Variants in LSAMP observed in about 807,000 individuals in gnomAD.
The protein encoded by LSAMP is limbic system associated membrane protein.
In LSAMP, 7 loss-of-function variants were observed where a neutral mutation model predicts 38.6. The ratio of observed to expected loss-of-function variants is 0.18; its 90% CI spans 0.10 to 0.34. LSAMP has a LOEUF of 0.34. LSAMP is among the 10% of genes least tolerant of loss of function. The pLI, the probability that LSAMP is intolerant of heterozygous loss-of-function variation, is 1.00. For missense variants in LSAMP, 313 were observed against 420.0 expected (o/e 0.75, Z 2.23); for synonymous variants, 154 against 166.8 (o/e 0.92, Z 0.59).
intron 1 of LSAMP, among the ~76,000 whole-genome samples, chr3:116,187,434 G>GAA (rs567863106): frequency 6.6e-6 from 1 of 151,708 alleles, no homozygotes; most frequent in Non-Finnish European, 1.5e-5. Flanking sequence ...AAAAAGAAAA[G>GAA]AAAAAAAATG....
chr3:115,959,194 A>C lies in LSAMP; in HGVS notation c.514+60321T>G, dbSNP rs138411899. 7.3e-3 allele frequency among the ~76,000 whole-genome samples: 1,116 copies of C among 152,276 alleles called. 15 individuals are homozygous for C. Among genetic ancestry groups the C allele is most frequent in the African/African-American group, 0.026 (1,062 of 41,556 alleles). Reference sequence around the variant, plus strand: ...TGCCACTAAGGGCTTCCTTCAGTACATTGGGCAAGTTACTGTGGATTTTAG... The same window carrying C: ...TGCCACTAAGGGCTTCCTTCAGTACCTTGGGCAAGTTACTGTGGATTTTAG... On this transcript the variant is annotated intron_variant, in intron 3 of 6. Coordinates refer to ENST00000490035, the MANE Select transcript of LSAMP (RefSeq NM_002338.5).
intron 1 of LSAMP, among the ~76,000 whole-genome samples, chr3:116,220,172 G>C (rs1405685503): frequency 1.0e-5 from 1 of 99,168 alleles, no homozygotes; most frequent in Non-Finnish European, 2.2e-5. Flanking sequence ...GACAGAGTGA[G>C]ACTCCATCTC....
At position 116,163,800 on chromosome 3, in the gene LSAMP, T is replaced by G. The variant is rs77702998; in HGVS notation, c.156-77244A>C. Among the ~76,000 whole-genome samples, 54 of 152,306 alleles carry G rather than the reference T, an allele frequency of 3.5e-4. 2 individuals are homozygous for G. The East Asian group carries it at 6.7e-3, about 19-fold the overall frequency. On this transcript the variant is annotated intron_variant, in intron 1 of 6. Transcript: ENST00000490035. ...TCTAATTTTAAAATTTCATGCCACA[T>G]TTTTCATATTCATTCTCATGTTTTC...
intron 1 of LSAMP, among the ~76,000 whole-genome samples, chr3:116,256,178 C>T (rs2046748135): frequency 6.6e-6 from 1 of 152,156 alleles, no homozygotes; most frequent in African/African-American, 2.4e-5. Context: ...TTGTATGCCT[C>T]CCTGGTTCAA....
At chr3:115,994,407 G>A (rs1182679439) in intron 3 of LSAMP, among the ~76,000 whole-genome samples, 3 of 151,904 alleles carry the variant, frequency 2.0e-5, no homozygotes, top group Non-Finnish European at 4.4e-5. Context: ...AACTTCATTT[G>A]GTAATGCAAC....
At chr3:115,823,930 A>T (rs1433577462) in intron 6 of LSAMP, among the ~76,000 whole-genome samples, 1 of 152,236 alleles carries the variant, frequency 6.6e-6, no homozygotes, top group Non-Finnish European at 1.5e-5. Flanking sequence ...GTATAGGTGC[A>T]TGATTTGACT....
At chr3:116,080,574 G>A (rs1707850330) in intron 2 of LSAMP, among the ~76,000 whole-genome samples, 1 of 152,216 alleles carries the variant, frequency 6.6e-6, no homozygotes, top group South Asian at 2.1e-4. Context: ...AAAACTGCAT[G>A]AGGCAATATT....
At chr3:116,218,758 C>T (rs942376496) in intron 1 of LSAMP, among the ~76,000 whole-genome samples, 3 of 152,192 alleles carry the variant, frequency 2.0e-5, no homozygotes, top group African/African-American at 7.2e-5. Context: ...CCTGATCCTT[C>T]CACCTCAGTC....
At chr3:115,854,284 T>TATTATTATTATTATTA (rs369597774) in intron 3 of LSAMP, among the ~76,000 whole-genome samples, 1 of 85,042 alleles carries the variant, frequency 1.2e-5, no homozygotes, top group Non-Finnish European at 2.4e-5. Flanking sequence ...TTATTATTAT[T>TATTATTATTATTATTA]TTTTTTTTTT....
chr3:116,403,812 G>T (rs981562782), intron 1 of LSAMP, among the ~76,000 whole-genome samples: 3 of 151,880 alleles, frequency 2.0e-5, no homozygotes, highest in Non-Finnish European at 4.4e-5. Context: ...GTGCAGGGGG[G>T]GTGATCATAG....
intron 3 of LSAMP, among the ~76,000 whole-genome samples, chr3:115,983,332 A>G (rs1369416674): frequency 4.6e-5 from 7 of 152,090 alleles, no homozygotes; most frequent in Non-Finnish European, 5.9e-5. Context: ...CCTAAGCACT[A>G]TAGACTTCAT....
At chr3:116,223,381 T>C (rs779744921) in intron 1 of LSAMP, among the ~76,000 whole-genome samples, 25 of 152,328 alleles carry the variant, frequency 1.6e-4, no homozygotes, top group Middle Eastern at 3.4e-3. Flanking sequence ...CAAAAATTAA[T>C]TGCAAATGTA....
intron 1 of LSAMP, among the ~76,000 whole-genome samples, chr3:116,349,526 C>G (rs893112757): frequency 6.6e-6 from 1 of 151,414 alleles, no homozygotes; most frequent in Non-Finnish European, 1.5e-5. Flanking sequence ...CTCACACACA[C>G]ACACACACAC....
chr3:116,201,827 C>T (rs1313127573), intron 1 of LSAMP, among the ~76,000 whole-genome samples: 2 of 152,166 alleles, frequency 1.3e-5, no homozygotes, highest in Non-Finnish European at 2.9e-5. Context: ...CTTATTTTAA[C>T]CATCTGTGGA....
intron 1 of LSAMP, among the ~76,000 whole-genome samples, chr3:116,268,663 A>G (rs921347566): frequency 2.1e-5 from 3 of 146,014 alleles, no homozygotes; most frequent in African/African-American, 7.6e-5. Flanking sequence ...TAAGATTTCC[A>G]AAGTGTTTTT....
At chr3:115,972,746 C>T (rs1303638317) in intron 3 of LSAMP, among the ~76,000 whole-genome samples, 2 of 151,148 alleles carry the variant, frequency 1.3e-5, no homozygotes, top group Non-Finnish European at 3.0e-5. Context: ...TAAACAAACC[C>T]ATGTAAACAG....
intron 1 of LSAMP, among the ~76,000 whole-genome samples, chr3:116,407,172 G>A (rs1440793843): frequency 6.6e-6 from 1 of 151,970 alleles, no homozygotes; most frequent in African/African-American, 2.4e-5. Flanking sequence ...ATCCATTTAT[G>A]TATCCTTCTC....
chr3:116,276,858 AGTGACC>A (rs772504112), intron 1 of LSAMP, among the ~76,000 whole-genome samples: 3 of 152,190 alleles, frequency 2.0e-5, no homozygotes, highest in Non-Finnish European at 4.4e-5. Flanking sequence ...GCAGACAGGC[AGTGACC>A]GTTACTGAAT....
At chr3:115,948,637 A>G (rs888499143) in intron 3 of LSAMP, among the ~76,000 whole-genome samples, 1 of 152,184 alleles carries the variant, frequency 6.6e-6, no homozygotes, top group Non-Finnish European at 1.5e-5. Flanking sequence ...AAACAGTGCT[A>G]AAAGGAAAGT....
Sources: gnomAD v4.1 joint callset for allele counts (sites outside exome capture counted in the v4.1 genomes callset) on GRCh38, gnomAD v4.1.1 for gene constraint, MANE v1.5 for transcripts, NCBI Gene and HGNC (gene_info 2026-07-23, HGNC 2026-07-21) for gene names.